GABRB1: variants seen among roughly 807,000 people sequenced by gnomAD.
GABRB1 encodes the protein gamma-aminobutyric acid type A receptor subunit beta1.
GABRB1 carries 17 observed loss-of-function variants against 51.6 expected under a neutral mutation model. The ratio of observed to expected loss-of-function variants is 0.33; its 90% CI spans 0.23 to 0.49. The LOEUF is 0.49. Among genes scored for constraint, GABRB1 ranks in the 20% least tolerant of loss-of-function variants. GABRB1 has a pLI of 0.99. For synonymous variants in GABRB1, 247 were observed against 218.9 expected (o/e 1.13, Z -1.14); for missense variants, 410 against 600.6 (o/e 0.68, Z 3.32).
chr4:47,409,914 C>T (rs1728705412), intron 8 of GABRB1, among the ~76,000 whole-genome samples: 1 of 152,216 alleles, frequency 6.6e-6, no homozygotes, highest in Non-Finnish European at 1.5e-5. Context: ...TATGTCATGT[C>T]AGATCTAGAT....
intron 5 of GABRB1, among the ~76,000 whole-genome samples, chr4:47,345,186 G>A (rs974619750): frequency 1.3e-5 from 2 of 152,114 alleles, no homozygotes; most frequent in Non-Finnish European, 2.9e-5. Context: ...CAAATAATCA[G>A]AAATGTTAGG....
intron 1 of GABRB1, among the ~76,000 whole-genome samples, chr4:47,011,439 T>G (rs1169372297): frequency 6.6e-6 from 1 of 152,018 alleles, no homozygotes; most frequent in African/African-American, 2.4e-5. Context: ...ACTGCTTGCT[T>G]GGGGCCAAAA....
chr4:47,013,914 A>T (rs1355543681), intron 1 of GABRB1, among the ~76,000 whole-genome samples: 1 of 152,168 alleles, frequency 6.6e-6, no homozygotes, highest in African/African-American at 2.4e-5. Flanking sequence ...GAAAATAGTC[A>T]AGTTTATGAA....
intron 4 of GABRB1, among the ~76,000 whole-genome samples, chr4:47,231,684 C>T (rs370540928): frequency 6.6e-6 from 1 of 152,158 alleles, no homozygotes; most frequent in Admixed American, 6.6e-5. Flanking sequence ...AAAATCATTG[C>T]AAGCTCTTTG....
intron 3 of GABRB1, among the ~76,000 whole-genome samples, chr4:47,042,414 GTA>G (rs764850015): frequency 0.014 from 665 of 46,874 alleles, 4 homozygotes; most frequent in Middle Eastern, 0.04. Context: ...TATGTGTACA[GTA>G]TATATATATA....
At chr4:47,125,851 G>A (rs942576314) in intron 3 of GABRB1, among the ~76,000 whole-genome samples, 8 of 149,832 alleles carry the variant, frequency 5.3e-5, no homozygotes, top group East Asian at 1.9e-4. Context: ...CACCGCGCCC[G>A]GCCCAAAGTA....
At chr4:47,227,843 C>T (rs1325307150) in intron 4 of GABRB1, among the ~76,000 whole-genome samples, 1 of 152,098 alleles carries the variant, frequency 6.6e-6, no homozygotes, top group Non-Finnish European at 1.5e-5. Flanking sequence ...TTGCAGATGG[C>T]TGCCTTCTTG....
At chr4:47,284,097 CAAAAAAAAAAA>C (rs780643469) in intron 4 of GABRB1, among the ~76,000 whole-genome samples, 1 of 48,918 alleles carries the variant, frequency 2.0e-5, no homozygotes, top group African/African-American at 6.6e-5. Context: ...GACTCAGTCT[CAAAAAAAAAAA>C]AAAAAAAAAA....
chr4:47,129,912 A>T (rs572271372), intron 3 of GABRB1, among the ~76,000 whole-genome samples: 1 of 152,218 alleles, frequency 6.6e-6, no homozygotes, highest in Non-Finnish European at 1.5e-5. Flanking sequence ...CACATGTGTG[A>T]CTATGTAGAT....
intron 3 of GABRB1, among the ~76,000 whole-genome samples, chr4:47,062,305 T>C (rs1312188053): frequency 6.6e-6 from 1 of 151,808 alleles, no homozygotes; most frequent in East Asian, 1.9e-4. Context: ...AATGTCTTTT[T>C]TTTTTTTTTT....
At chr4:47,026,185 C>T (rs1412000575) in intron 1 of GABRB1, among the ~76,000 whole-genome samples, 9 of 151,984 alleles carry the variant, frequency 5.9e-5, no homozygotes, top group Non-Finnish European at 1.2e-4. Context: ...AAGTCCTTTT[C>T]ACGTTTCTAG....
intron 4 of GABRB1, among the ~76,000 whole-genome samples, chr4:47,268,641 G>C (rs2109889609): frequency 6.6e-6 from 1 of 152,186 alleles, no homozygotes; most frequent in South Asian, 2.1e-4. Context: ...TCCACTAAAA[G>C]TGCTTAGTTT....
At chr4:47,419,511 T>G (rs778016927) in intron 8 of GABRB1, among the ~76,000 whole-genome samples, 1 of 152,174 alleles carries the variant, frequency 6.6e-6, no homozygotes, top group Non-Finnish European at 1.5e-5. Flanking sequence ...TTGAAAGAGG[T>G]CAAAGTATTT....
At chr4:47,200,061 A>AT (rs1371641911) in intron 4 of GABRB1, among the ~76,000 whole-genome samples, 20 of 152,178 alleles carry the variant, frequency 1.3e-4, no homozygotes, top group African/African-American at 4.6e-4. Flanking sequence ...AGAGCTGTCA[A>AT]TGTATATAAA....
At chr4:47,141,519 T>C (rs1021687188) in intron 3 of GABRB1, among the ~76,000 whole-genome samples, 4 of 152,010 alleles carry the variant, frequency 2.6e-5, no homozygotes, top group Non-Finnish European at 4.4e-5. Context: ...GTAGTCATTA[T>C]GCACGTTATA....
At chr4:47,368,817 G>T (rs1285796407) in intron 5 of GABRB1, among the ~76,000 whole-genome samples, 1 of 152,008 alleles carries the variant, frequency 6.6e-6, no homozygotes, top group Non-Finnish European at 1.5e-5. Flanking sequence ...TTCATAAAAA[G>T]TTGCTCTTGG....
At position 47,008,461 on chromosome 4, in the gene GABRB1, T is replaced by G. The variant is rs537957434; in HGVS notation, c.-20+14535T>G. On this transcript the variant is annotated intron_variant, in intron 1 of 3. Coordinates refer to the GABRB1 transcript ENST00000513567. ...TCATTTCAGGAAAAAATAAAATATT[T>G]TACTTTTTTTTTTTTTCTTGAGATG... is the stretch of plus-strand genomic sequence containing the variant. Among the ~76,000 whole-genome samples the G allele has an allele frequency of 2.0e-5, 3 of 151,752 alleles. No homozygotes were observed. The East Asian group carries it at 5.8e-4, about 29-fold the overall frequency.
chr4:47,099,433 G>C (rs1482745569), intron 3 of GABRB1, among the ~76,000 whole-genome samples: 1 of 152,076 alleles, frequency 6.6e-6, no homozygotes, highest in Non-Finnish European at 1.5e-5. Flanking sequence ...CCAAAGGCAA[G>C]GTATCACTCT....
rs1728479546 is a variant in GABRB1 at position 47,403,791 on chromosome 4, G to A, written c.835+80G>A. 4 of 1,430,152 alleles carry A rather than the reference G, an allele frequency of 2.8e-6. No individual in the cohort carries two copies. In the Admixed American group the frequency reaches 7.7e-5, roughly 28 times the overall value. The allele number at this position is 1,430,152 out of a possible 1,614,324, so 88.6% of individuals were successfully genotyped here. A position where few individuals can be genotyped will look rare whatever the true frequency, so the allele number is the denominator to read the frequency against. ...ACCAATATCAGGAATTATAGGCAAGGGCTCTCTTATAGCAAGCCAAAGAAT... is the reference window on the plus strand; with the variant it reads ...ACCAATATCAGGAATTATAGGCAAGAGCTCTCTTATAGCAAGCCAAAGAAT... On this transcript the variant is annotated intron_variant, in intron 7 of 8. Transcript: ENST00000295454.
Sources: gnomAD v4.1 joint callset for allele counts (sites outside exome capture counted in the v4.1 genomes callset) on GRCh38, gnomAD v4.1.1 for gene constraint, MANE v1.5 for transcripts, NCBI Gene and HGNC (gene_info 2026-07-23, HGNC 2026-07-21) for gene names.